The following NLGN1 variants were observed in gnomAD, a reference collection of about 807,000 sequenced individuals.
NLGN1 encodes neuroligin 1.
In NLGN1, 12 loss-of-function variants were observed where a neutral mutation model predicts 65.5. The ratio of observed to expected loss-of-function variants is 0.18; its 90% CI spans 0.12 to 0.30. The LOEUF (loss-of-function observed/expected upper bound fraction) is 0.30, where lower values mean the gene tolerates loss of function less well. Among genes scored for constraint, NLGN1 ranks in the 10% least tolerant of loss-of-function variants. The probability of loss-of-function intolerance (pLI) is 1.00; values close to 1 mark genes in which losing one functional copy is unlikely to be tolerated. For synonymous variants in NLGN1, 350 were observed against 359.5 expected, an observed-to-expected ratio of 0.97 and a Z score of 0.30; for missense variants, 750 against 1,007.1, an observed-to-expected ratio of 0.74 and a Z score of 3.46.
In NLGN1 at chr3:174,089,153, C is replaced by G. The variant is rs74868003; in HGVS notation, c.647-186162C>G. Among the ~76,000 whole-genome samples the G allele has an allele frequency of 3.0e-4, 45 of 152,284 alleles. No individual in the cohort carries two copies. The East Asian group carries it at 8.3e-3, about 28-fold the overall frequency. On this transcript the variant is annotated intron_variant, in intron 4 of 6. Transcript: ENST00000457714. The stretch of plus-strand genomic sequence containing the variant: ...CCCAACTCAGTGTATATTGTACTTT[C>G]TATATTTTTAATTTAAATGCATACA...
chr3:174,078,865 A>G (rs967328774), intron 4 of NLGN1, among the ~76,000 whole-genome samples: 5 of 152,198 alleles, frequency 3.3e-5, no homozygotes, highest in South Asian at 4.1e-4. Flanking sequence ...TACTCTGGGA[A>G]TATCTTGCAT....
chr3:174,042,795 AC>A (rs775084655), intron 4 of NLGN1, among the ~76,000 whole-genome samples: 5 of 152,194 alleles, frequency 3.3e-5, no homozygotes, highest in Non-Finnish European at 7.3e-5. Flanking sequence ...TCAAAGCCAC[AC>A]AACTCATAAG....
At chr3:173,951,307 C>T (rs1255220669) in intron 4 of NLGN1, among the ~76,000 whole-genome samples, 1 of 152,092 alleles carries the variant, frequency 6.6e-6, no homozygotes, top group African/African-American at 2.4e-5. Context: ...ATGCATATGT[C>T]ATCTGATAAA....
At chr3:173,845,960 T>G (rs1285427129) in intron 4 of NLGN1, among the ~76,000 whole-genome samples, 1 of 152,276 alleles carries the variant, frequency 6.6e-6, no homozygotes, top group East Asian at 1.9e-4. Flanking sequence ...CCATTCTTTT[T>G]GTTTTTAAAG....
intron 3 of NLGN1, among the ~76,000 whole-genome samples, chr3:173,608,739 C>T (rs2149461720): frequency 6.6e-6 from 1 of 151,768 alleles, no homozygotes; most frequent in African/African-American, 2.4e-5. Context: ...TCCATCCTTC[C>T]TCTCTCTCTT....
intron 2 of NLGN1, among the ~76,000 whole-genome samples, chr3:173,560,524 AT>A (rs3030773): frequency 0.45 from 66,627 of 149,694 alleles, 14,468 homozygotes; most frequent in East Asian, 0.74. Flanking sequence ...CAACAGAATG[AT>A]TTTTTTTTTT....
chr3:174,121,665 G>A (rs1439306984), intron 4 of NLGN1, among the ~76,000 whole-genome samples: 2 of 152,096 alleles, frequency 1.3e-5, no homozygotes, highest in African/African-American at 4.8e-5. Context: ...TGAATATCCA[G>A]TTCTCATCAC....
At chr3:173,857,279 C>G (rs889320494) in intron 4 of NLGN1, among the ~76,000 whole-genome samples, 1 of 152,010 alleles carries the variant, frequency 6.6e-6, no homozygotes, top group African/African-American at 2.4e-5. Context: ...TAACTGACCC[C>G]TGACATGCTG....
chr3:173,943,898 T>C (rs1746632262), intron 4 of NLGN1, among the ~76,000 whole-genome samples: 1 of 152,222 alleles, frequency 6.6e-6, no homozygotes, highest in South Asian at 2.1e-4. Flanking sequence ...TACAAAGTAG[T>C]AAAACAGAGA....
chr3:173,959,339 C>G (rs1712968027), intron 4 of NLGN1, among the ~76,000 whole-genome samples: 2 of 152,192 alleles, frequency 1.3e-5, no homozygotes, highest in South Asian at 4.1e-4. Flanking sequence ...AGTAGTGAGA[C>G]ATATTTATCA....
At chr3:173,992,050 A>G (rs1451405741) in intron 4 of NLGN1, among the ~76,000 whole-genome samples, 1 of 151,832 alleles carries the variant, frequency 6.6e-6, no homozygotes, top group East Asian at 1.9e-4. Context: ...CTGGTCTCGA[A>G]CTCCTGACCT....
chr3:173,730,181 A>G (rs1434062003), intron 3 of NLGN1, among the ~76,000 whole-genome samples: 1 of 151,352 alleles, frequency 6.6e-6, no homozygotes, highest in East Asian at 1.9e-4. Flanking sequence ...AAATTTATCA[A>G]TTATATTGGA....
At chr3:173,576,914 C>T (rs182757554) in intron 2 of NLGN1, among the ~76,000 whole-genome samples, 6 of 152,108 alleles carry the variant, frequency 3.9e-5, no homozygotes, top group Non-Finnish European at 7.3e-5. Context: ...TTAAGATCAA[C>T]GAAACGGTAA....
At chr3:174,290,561 C>T (rs966960100), downstream of NLGN1, among the ~76,000 whole-genome samples, 10 of 150,750 alleles carry the variant, frequency 6.6e-5, no homozygotes, top group South Asian at 6.3e-4. Context: ...ATAAAGAAAA[C>T]GAATAACAAG....
At chr3:173,678,349 A>C (rs1763460320) in intron 3 of NLGN1, among the ~76,000 whole-genome samples, 1 of 152,116 alleles carries the variant, frequency 6.6e-6, no homozygotes, top group Non-Finnish European at 1.5e-5. Flanking sequence ...ACACAGATTA[A>C]GGACATGCCG....
At chr3:173,527,366 G>C (rs1020139117) in intron 2 of NLGN1, among the ~76,000 whole-genome samples, 4 of 152,098 alleles carry the variant, frequency 2.6e-5, no homozygotes, top group African/African-American at 9.7e-5. Context: ...CTTCATTTGA[G>C]AAATACCTAT....
intron 3 of NLGN1, among the ~76,000 whole-genome samples, chr3:173,663,184 T>C (rs1761181499): frequency 6.6e-6 from 1 of 152,000 alleles, no homozygotes; most frequent in Non-Finnish European, 1.5e-5. Context: ...CATTTCTGAG[T>C]CTCAGTGCTC....
In NLGN1 at chr3:174,278,823, C is replaced by T. The variant is rs757020240; in HGVS notation, c.860-38C>T. 4.9e-6 allele frequency: 7 copies of T among 1,438,568 alleles called. No homozygotes were observed. In the Admixed American group the frequency reaches 1.3e-4, roughly 26 times the overall value. 89.1% of individuals were successfully genotyped at this position (1,438,568 alleles called of 1,614,324 possible). ...GTTATTGTTTTACCACAACATTACCCAAAGATCATCTAAAATTCTTTGTTG... is the reference window on the plus strand; with the variant it reads ...GTTATTGTTTTACCACAACATTACCTAAAGATCATCTAAAATTCTTTGTTG... On this transcript the variant is annotated intron_variant, in intron 5 of 6. Transcript: ENST00000457714.
At chr3:173,744,683 T>G (rs1775103974) in intron 3 of NLGN1, among the ~76,000 whole-genome samples, 1 of 152,104 alleles carries the variant, frequency 6.6e-6, no homozygotes, top group East Asian at 1.9e-4. Flanking sequence ...TTCAGAGAAG[T>G]AAAACCTGCC....
Sources: allele counts gnomAD v4.1 joint callset (sites outside exome capture counted in the v4.1 genomes callset), GRCh38; gene constraint gnomAD v4.1.1; transcripts MANE v1.5; gene names NCBI Gene and HGNC (gene_info 2026-07-23, HGNC 2026-07-21).